Variants in PIAS4 observed in about 807,000 individuals in gnomAD.
PIAS4 encodes the protein E3 SUMO-protein ligase PIAS4.
Under a neutral mutation model 58.0 loss-of-function variants are expected in PIAS4, and 7 were observed. That is an observed-to-expected ratio of 0.12 (90% CI 0.07 to 0.23). The LOEUF (loss-of-function observed/expected upper bound fraction) is 0.23. Among genes scored for constraint, PIAS4 ranks in the 10% least tolerant of loss-of-function variants. The probability of loss-of-function intolerance (pLI) is 1.00; values close to 1 mark genes in which losing one functional copy is unlikely to be tolerated. For missense variants in PIAS4, 550 were observed against 709.5 expected (o/e 0.78, Z 2.55); for synonymous variants, 364 against 312.4 (o/e 1.17, Z -1.74).
rs552268398 is a variant in PIAS4, at chr19:4,031,725, G to A, written c.908-1375G>A. ...GGGTCTCCTGCTGCTTCCCACAGCC[G>A]GCCCCAGGCTCAGCCTCTCTGTCAC... On this transcript the variant is annotated intron_variant, in intron 7 of 10. Transcript: ENST00000262971. 4.6e-5 allele frequency among the ~76,000 whole-genome samples: 7 copies of A among 152,144 alleles called. No homozygotes were observed. In the East Asian group the frequency reaches 5.8e-4, roughly 13 times the overall value.
In PIAS4 at chr19:4,038,198, G is replaced by C; in HGVS notation, c.*323G>C. On this transcript the variant is annotated 3_prime_UTR_variant, in exon 11 of 11. Coordinates refer to ENST00000262971, the MANE Select transcript of PIAS4 (RefSeq NM_015897.4). This position sits in a 1 kb window ranked among gnomAD's most constrained non-coding sequence, Gnocchi z 4.1. ...AAGGGGTAGTGGGCGGGAGGGACCAGGACGCCGCCCCGCGCCCTCCCCTCC... is the reference window on the plus strand; with the variant it reads ...AAGGGGTAGTGGGCGGGAGGGACCACGACGCCGCCCCGCGCCCTCCCCTCC... 1 of 314,564 alleles carries C rather than the reference G, an allele frequency of 3.2e-6. No individual in the cohort carries two copies. Among genetic ancestry groups the C allele is most frequent in the Non-Finnish European group, 5.9e-6 (1 of 169,790 alleles). 19.5% of individuals were successfully genotyped at this position (314,564 alleles called of 1,614,324 possible).
chr19:4,015,379 G>T (rs761150664), intron 2 of PIAS4, among the ~76,000 whole-genome samples: 2 of 152,134 alleles, frequency 1.3e-5, no homozygotes, highest in Admixed American at 1.3e-4. Flanking sequence ...CAGGGACCCC[G>T]GTCACCTGAT....
In PIAS4 at chr19:4,024,066, G is replaced by A; in HGVS notation, c.485G>A (p.Ser162Asn). 3 of 1,614,012 alleles carry A rather than the reference G, an allele frequency of 1.9e-6. No individual in the cohort carries two copies. Among genetic ancestry groups the A allele is most frequent in the Non-Finnish European group, 2.5e-6 (3 of 1,179,892 alleles). ...CAGAACAACGAGAAGCTTCAGGAGA[G>A]CCCGTGCATCTTCGCATTGACGCCA... The part of the protein sequence containing the change: ...VPQNNEKLQE[S>N]PCIFALTPRQ... Residue 162 changes from serine (S) to asparagine (N), a missense_variant, in exon 3 of 11, where the codon AGC becomes AAC. By Grantham distance (46) the Ser-to-Asn change is conservative. Around this residue, in one of 4 missense-constraint regions of PIAS4, gnomAD observed 225 missense variants for 345.8 expected, o/e 0.65. Transcript: ENST00000262971.
At position 4,013,264 on chromosome 19, in the gene PIAS4, C is replaced by A; in HGVS notation, c.369C>A (p.Pro123=). Reference sequence around the variant, plus strand: ...ACTTAAACGGACTGGGACGGTTGCCCGCCAAGACCCTCAAGCCAGAAGTCC... The same window carrying A: ...ACTTAAACGGACTGGGACGGTTGCCAGCCAAGACCCTCAAGCCAGAAGTCC... ...GKYLNGLGRL[P]AKTLKPEVRL... is the part of the protein sequence containing the mutation. The change falls in exon 2 of 11, where the codon CCC becomes CCA. Residue 123 remains proline (P), a synonymous_variant. Coordinates refer to ENST00000262971, the MANE Select transcript of PIAS4 (RefSeq NM_015897.4). This position sits in a 1 kb window ranked among gnomAD's most constrained non-coding sequence, Gnocchi z 5.1. The A allele has an allele frequency of 6.2e-7, 1 of 1,613,320 alleles. No homozygotes were observed. The highest frequency in any genetic ancestry group is 8.5e-7 in the Non-Finnish European group (1 of 1,180,004).
chr19:4,017,743 G>C (rs1460425421), intron 2 of PIAS4: 1 of 147,954 alleles, frequency 6.8e-6, no homozygotes, highest in African/African-American at 2.5e-5. Flanking sequence ...GCAGTGGCGC[G>C]ATCTTGGCTT....
intron 7 of PIAS4, among the ~76,000 whole-genome samples, chr19:4,029,811 ATTTTTTTTTTTTTTT>A (rs1172132330): frequency 3.6e-5 from 2 of 55,044 alleles, no homozygotes; most frequent in South Asian, 1.1e-3. Flanking sequence ...CACCCAACTA[ATTTTTTTTTTTTTTT>A]TTTTTTTTTT....
At chr19:4,027,863 G>A (rs1263379833) in intron 3 of PIAS4, among the ~76,000 whole-genome samples, 1 of 152,116 alleles carries the variant, frequency 6.6e-6, no homozygotes, top group African/African-American at 2.4e-5. Flanking sequence ...CCGCATGCAC[G>A]TTTTAGCTAT....
intron 1 of PIAS4, among the ~76,000 whole-genome samples, chr19:4,009,156 A>G (rs553674589): frequency 6.6e-6 from 1 of 150,652 alleles, no homozygotes; most frequent in African/African-American, 2.4e-5. Context: ...ATCCCCTTTC[A>G]CATCTTCCCT....
rs1599223900 is a variant in PIAS4 at position 4,024,083 on chromosome 19, T to C, written c.502T>C (p.Leu168=). The C allele has an allele frequency of 2.5e-6, 4 of 1,614,124 alleles. No homozygotes were observed. The highest frequency in any genetic ancestry group is 3.4e-6 in the Non-Finnish European group (4 of 1,179,972). ...KLQESPCIFA[L]TPRQVELIRN... is the part of the protein sequence containing the mutation. Reference sequence around the variant, plus strand: ...TCAGGAGAGCCCGTGCATCTTCGCATTGACGCCAAGACAGGTGGAGTTGAT... The same window carrying C: ...TCAGGAGAGCCCGTGCATCTTCGCACTGACGCCAAGACAGGTGGAGTTGAT... The change falls in exon 3 of 11, where the codon TTG becomes CTG. Residue 168 remains leucine (L), a synonymous_variant. Coordinates refer to ENST00000262971, the MANE Select transcript of PIAS4 (RefSeq NM_015897.4).
At chr19:4,031,173 G>C (rs778459650) in intron 7 of PIAS4, among the ~76,000 whole-genome samples, 3 of 152,168 alleles carry the variant, frequency 2.0e-5, no homozygotes, top group African/African-American at 7.2e-5. Context: ...CCAGGCCTCT[G>C]GTCCCTGTTC....
At chr19:4,008,984 C>A (rs1235040199) in intron 1 of PIAS4, among the ~76,000 whole-genome samples, 1 of 152,178 alleles carries the variant, frequency 6.6e-6, no homozygotes, top group African/African-American at 2.4e-5. Flanking sequence ...CATCTCCTAG[C>A]TTGGAACCAC....
intron 2 of PIAS4, among the ~76,000 whole-genome samples, chr19:4,018,080 G>A (rs1010810266): frequency 6.6e-6 from 1 of 152,228 alleles, no homozygotes; most frequent in Non-Finnish European, 1.5e-5. Context: ...CCAAAGTGCT[G>A]GGATTATAGG....
rs1333731603 is a variant in PIAS4 at position 4,037,782 on chromosome 19, GGAGGAGGAA to G, written c.1449_1457del (p.Glu485_Glu487del). 1 of 1,601,420 alleles carries G rather than the reference GGAGGAGGAA, an allele frequency of 6.2e-7. No homozygotes were observed. Among genetic ancestry groups the G allele is most frequent in the Admixed American group, 1.7e-5 (1 of 57,490 alleles). On this transcript the variant is annotated inframe_deletion, in exon 11 of 11. Coordinates refer to ENST00000262971, the MANE Select transcript of PIAS4 (RefSeq NM_015897.4). The surrounding 1 kb of genome is among the most constrained non-coding windows in gnomAD (Gnocchi z 5.8). ...GCTCATCGTCCTCGGAGGATGAGGAGGAGGAGGAAGAGGAGGAGGAAGACGAGGACGAAG... is the reference window on the plus strand; with the variant it reads ...GCTCATCGTCCTCGGAGGATGAGGAGGAGGAGGAGGAAGACGAGGACGAAG...
intron 2 of PIAS4, among the ~76,000 whole-genome samples, chr19:4,019,666 G>C (rs540756573): frequency 1.3e-5 from 2 of 152,330 alleles, no homozygotes; most frequent in African/African-American, 2.4e-5. Flanking sequence ...CAGGTGGCCT[G>C]TGTGCCCCCC....
At chr19:4,008,959 A>G (rs1470345460) in intron 1 of PIAS4, among the ~76,000 whole-genome samples, 6 of 152,200 alleles carry the variant, frequency 3.9e-5, no homozygotes, top group African/African-American at 1.4e-4. Flanking sequence ...TCCAGGTCCC[A>G]TGTCCCATAG....
chr19:4,023,990 A>G, intron 2 of PIAS4, 46 bp from the exon 3 acceptor site: 2 of 1,322,990 alleles, frequency 1.5e-6, no homozygotes, highest in Non-Finnish European at 2.2e-6. Flanking sequence ...GGCTCGGGGG[A>G]CCTGCCAGGG....
At position 4,011,759 on chromosome 19, in the gene PIAS4, G is replaced by T. The variant is rs1342353665; in HGVS notation, c.28-1164G>T. 3.4e-4 allele frequency among the ~76,000 whole-genome samples: 6 copies of T among 17,712 alleles called. 1 individual carries two copies. The highest frequency in any genetic ancestry group is 1.2e-3 in the Admixed American group (3 of 2,594). The allele number at this position is 17,712 out of a possible 152,430, so 11.6% of individuals were successfully genotyped here. On this transcript the variant is annotated intron_variant, in intron 1 of 10. Coordinates refer to ENST00000262971, the MANE Select transcript of PIAS4 (RefSeq NM_015897.4). ...AGGTGTGTGGGGTGTGGAGGTGTGT[G>T]GGGTGTGGAGGTGTGTGGGGTGTGG... is the stretch of plus-strand genomic sequence containing the variant.
chr19:4,028,413 C>G (rs1186453725), intron 4 of PIAS4, 97 bp from the exon 5 acceptor site: 1 of 942,528 alleles, frequency 1.1e-6, no homozygotes, highest in South Asian at 1.5e-5. Flanking sequence ...CCGGTGCCCC[C>G]ATCACTGCCG....
At chr19:4,019,992 C>T (rs2040093179) in intron 2 of PIAS4, among the ~76,000 whole-genome samples, 1 of 151,886 alleles carries the variant, frequency 6.6e-6, no homozygotes, top group Admixed American at 6.6e-5. Flanking sequence ...TCTCAGCTCA[C>T]TGCAAGCTCC....
Sources: gnomAD v4.1 joint callset for allele counts (sites outside exome capture counted in the v4.1 genomes callset) on GRCh38, gnomAD v4.1.1 for gene constraint, gnomAD v4.1.1 regional missense constraint, Gnocchi (gnomAD v3.1) non-coding constraint, MANE v1.5 for transcripts, NCBI Gene and HGNC (gene_info 2026-07-23, HGNC 2026-07-21) for gene names.